The following CWC27 variants were observed in gnomAD, a reference collection of about 807,000 sequenced individuals.
CWC27 encodes the protein CWC27 spliceosome associated cyclophilin.
In CWC27, 47 loss-of-function variants were observed where a neutral mutation model predicts 63.6. The observed-to-expected ratio is 0.74, with a 90% CI of 0.58 to 0.94. The LOEUF (loss-of-function observed/expected upper bound fraction) is 0.94, where lower values mean the gene tolerates loss of function less well. Ranked by LOEUF, CWC27 falls within the 40% of genes least tolerant of loss-of-function variation. CWC27 has a pLI of 0.00. For missense variants in CWC27, 495 were observed against 554.3 expected (o/e 0.89, Z 1.07); for synonymous variants, 175 against 179.8 (o/e 0.97, Z 0.22).
chr5:64,843,336 A>G (rs1420115047), intron 10 of CWC27, among the ~76,000 whole-genome samples: 3 of 152,258 alleles, frequency 2.0e-5, no homozygotes, highest in African/African-American at 7.2e-5. Flanking sequence ...ATTCACAACA[A>G]TAGAAAAAGT....
In CWC27 at chr5:64,791,594, T is replaced by A. The variant is rs117218407; in HGVS notation, c.669+2574T>A. On this transcript the variant is annotated intron_variant, in intron 7 of 13. Coordinates refer to ENST00000381070, the MANE Select transcript of CWC27 (RefSeq NM_005869.4). ...TGAATATTATTATCCTAGTATTGTG[T>A]CATCATAGTTTTCTCATCTGGCTCT... 9.1e-4 allele frequency among the ~76,000 whole-genome samples: 138 copies of A among 152,236 alleles called. 4 individuals are homozygous for A. The East Asian group carries it at 0.022, about 24-fold the overall frequency.
chr5:64,785,283 T>G (rs931716171), intron 4 of CWC27, among the ~76,000 whole-genome samples, 198 bp from the exon 5 acceptor site: 1 of 152,154 alleles, frequency 6.6e-6, no homozygotes, highest in African/African-American at 2.4e-5. Flanking sequence ...TCCAAAAAAC[T>G]TATTGGGGGA....
At chr5:64,900,031 A>G (rs1043320008) in intron 11 of CWC27, among the ~76,000 whole-genome samples, 1 of 152,194 alleles carries the variant, frequency 6.6e-6, no homozygotes, top group Non-Finnish European at 1.5e-5. Context: ...CATTATATAG[A>G]TATACCACAA....
chr5:64,940,635 A>G (rs1748454503), intron 11 of CWC27, among the ~76,000 whole-genome samples: 1 of 151,890 alleles, frequency 6.6e-6, no homozygotes, highest in Non-Finnish European at 1.5e-5. Flanking sequence ...TTTCTTTTAT[A>G]TTTATAGTTT....
intron 11 of CWC27, among the ~76,000 whole-genome samples, chr5:64,921,464 C>T (rs891991588): frequency 2.6e-5 from 4 of 151,954 alleles, no homozygotes; most frequent in East Asian, 1.9e-4. Context: ...GGTTAAGCGT[C>T]GAGTTTAAGT....
intron 13 of CWC27, among the ~76,000 whole-genome samples, chr5:64,996,015 A>G (rs1454429832): frequency 1.3e-5 from 2 of 152,226 alleles, no homozygotes; most frequent in African/African-American, 4.8e-5. Flanking sequence ...GGAAAAGATC[A>G]CATGTGGAAA....
At chr5:64,902,481 C>T (rs964186039) in intron 11 of CWC27, among the ~76,000 whole-genome samples, 3 of 152,132 alleles carry the variant, frequency 2.0e-5, no homozygotes, top group African/African-American at 7.2e-5. Context: ...AAAAGACAAT[C>T]CTTTCCCTAC....
At chr5:64,991,236 A>G (rs1313937230) in intron 13 of CWC27, among the ~76,000 whole-genome samples, 4 of 152,210 alleles carry the variant, frequency 2.6e-5, no homozygotes, top group African/African-American at 9.6e-5. Flanking sequence ...ACCTAAGAGG[A>G]AACTTCAGGT....
chr5:64,879,225 A>T (rs1375770525), intron 10 of CWC27, among the ~76,000 whole-genome samples: 1 of 152,002 alleles, frequency 6.6e-6, no homozygotes, highest in Non-Finnish European at 1.5e-5. Context: ...TTCGTTGAGG[A>T]GCTAACATTA....
At chr5:64,833,312 A>G (rs997927431) in intron 10 of CWC27, among the ~76,000 whole-genome samples, 2 of 151,750 alleles carry the variant, frequency 1.3e-5, no homozygotes, top group African/African-American at 4.8e-5. Flanking sequence ...AGATCCTCAG[A>G]TACAGTTCTT....
intron 11 of CWC27, among the ~76,000 whole-genome samples, chr5:64,916,118 C>T (rs927904180): frequency 2.0e-5 from 3 of 152,158 alleles, no homozygotes; most frequent in African/African-American, 7.2e-5. Flanking sequence ...GTTTAATATG[C>T]CCACTAAAGA....
chr5:64,860,275 A>G (rs1419950381), intron 10 of CWC27, among the ~76,000 whole-genome samples: 1 of 152,232 alleles, frequency 6.6e-6, no homozygotes, highest in Non-Finnish European at 1.5e-5. Flanking sequence ...ATATGATACT[A>G]GATTTTTAAA....
At chr5:64,853,032 A>C (rs1313980048) in intron 10 of CWC27, among the ~76,000 whole-genome samples, 1 of 152,172 alleles carries the variant, frequency 6.6e-6, no homozygotes, top group Non-Finnish European at 1.5e-5. Context: ...AACTCCTTAC[A>C]TTGAAAAGTA....
At chr5:65,017,948 A>G (rs943630983) in intron 13 of CWC27, among the ~76,000 whole-genome samples, 1 of 152,246 alleles carries the variant, frequency 6.6e-6, no homozygotes, top group Non-Finnish European at 1.5e-5. Context: ...TACTAGAAAT[A>G]CAAACCAGCA....
rs541607003 is a variant in CWC27 at position 64,833,199 on chromosome 5, T to C, written c.938+28813T>C. 9.9e-5 allele frequency among the ~76,000 whole-genome samples: 15 copies of C among 151,954 alleles called. No individual in the cohort carries two copies. In the South Asian group the frequency reaches 2.9e-3, roughly 29 times the overall value. On this transcript the variant is annotated intron_variant, in intron 10 of 13. Coordinates refer to ENST00000381070, the MANE Select transcript of CWC27 (RefSeq NM_005869.4). ...CACACAGATTTATGTATGTATTCCA[T>C]TGGTTCTGGATATTTGAAAACTCCA...
At chr5:64,826,502 A>G (rs1745364298) in intron 10 of CWC27, among the ~76,000 whole-genome samples, 1 of 152,126 alleles carries the variant, frequency 6.6e-6, no homozygotes, top group South Asian at 2.1e-4. Flanking sequence ...AAATGCCCCC[A>G]ATATTTTTGA....
chr5:64,860,629 C>G (rs760784076), intron 10 of CWC27, among the ~76,000 whole-genome samples: 1 of 152,208 alleles, frequency 6.6e-6, no homozygotes, highest in Non-Finnish European at 1.5e-5. Flanking sequence ...GTTGATATAA[C>G]ATCAGTCTTT....
intron 10 of CWC27, among the ~76,000 whole-genome samples, chr5:64,871,919 G>A (rs1482921704): frequency 1.3e-5 from 2 of 151,976 alleles, no homozygotes; most frequent in Non-Finnish European, 2.9e-5. Context: ...ATACTTCCTG[G>A]GAGACTTGGA....
chr5:64,985,133 T>G (rs1749402195), intron 13 of CWC27, among the ~76,000 whole-genome samples: 1 of 152,208 alleles, frequency 6.6e-6, no homozygotes, highest in Non-Finnish European at 1.5e-5. Context: ...TGCATCAATC[T>G]GTGTCTTTAT....
Sources: allele counts gnomAD v4.1 joint callset (sites outside exome capture counted in the v4.1 genomes callset), GRCh38; gene constraint gnomAD v4.1.1; transcripts MANE v1.5; gene names NCBI Gene and HGNC (gene_info 2026-07-23, HGNC 2026-07-21).